The following ARHGAP8 variants were observed in gnomAD, a reference collection of about 807,000 sequenced individuals.
The protein encoded by ARHGAP8 is Rho GTPase activating protein 8, also known as rho GTPase-activating protein 8.
A neutral mutation model predicts 46.1 loss-of-function variants in ARHGAP8; 62 were observed. The observed-to-expected ratio is 1.34, with a 90% CI of 1.10 to 1.66. The LOEUF is 1.66. Ranked by LOEUF, ARHGAP8 falls within the 40% of genes most tolerant of loss-of-function variation. The pLI is 0.00. For synonymous variants in ARHGAP8, 375 were observed against 243.1 expected (o/e 1.54, Z -5.05); for missense variants, 923 against 568.4 (o/e 1.62, Z -6.34).
Position 44,843,741 on chromosome 22 carries a change from C to T in ARHGAP8, c.597-1528C>T, listed in dbSNP as rs566199993. On this transcript the variant is annotated intron_variant, in intron 7 of 11. Coordinates refer to ENST00000356099, the MANE Select transcript of ARHGAP8 (RefSeq NM_181335.3). ...TTGGGAGGCTAAGGTGAAAGTATTGCTTGAGCCCAGGAGGTCAAGGCTGCA... is the reference window on the plus strand; with the variant it reads ...TTGGGAGGCTAAGGTGAAAGTATTGTTTGAGCCCAGGAGGTCAAGGCTGCA... 4.7e-5 allele frequency among the ~76,000 whole-genome samples: 7 copies of T among 149,544 alleles called. No individual in the cohort carries two copies. In the East Asian group the frequency reaches 1.2e-3, roughly 25 times the overall value.
At chr22:44,829,783 A>G (rs1930808154) in intron 7 of ARHGAP8, among the ~76,000 whole-genome samples, 2 of 152,262 alleles carry the variant, frequency 1.3e-5, no homozygotes, top group Non-Finnish European at 2.9e-5. Context: ...TTAATTTGCC[A>G]AGTTCAAAAG....
intron 7 of ARHGAP8, among the ~76,000 whole-genome samples, chr22:44,838,353 G>T (rs562748305): frequency 1.3e-5 from 2 of 152,246 alleles, no homozygotes; most frequent in South Asian, 4.1e-4. Flanking sequence ...GGTCAGGCTG[G>T]TCTCGAACTC....
intron 11 of ARHGAP8, 101 bp from the exon 12 acceptor site, chr22:44,862,174 C>T (rs760800838): frequency 6.4e-6 from 9 of 1,415,544 alleles, no homozygotes; most frequent in South Asian, 4.5e-5. Context: ...TCCAGTGCTC[C>T]TCTCACTACA....
intron 2 of ARHGAP8, among the ~76,000 whole-genome samples, chr22:44,789,299 C>T (rs949847468): frequency 4.6e-5 from 7 of 151,860 alleles, no homozygotes; most frequent in African/African-American, 7.3e-5. Context: ...TACAGGCACC[C>T]GCCACCAAGC....
intron 1 of ARHGAP8, among the ~76,000 whole-genome samples, chr22:44,774,595 T>G (rs527941719): frequency 2.2e-4 from 33 of 150,590 alleles, no homozygotes; most frequent in Middle Eastern, 3.4e-3. Context: ...CAGTCTTGGC[T>G]AATTGCAACC....
intron 5 of ARHGAP8, among the ~76,000 whole-genome samples, chr22:44,819,945 T>C (rs955910115): frequency 3.5e-4 from 53 of 152,174 alleles, no homozygotes; most frequent in Non-Finnish European, 7.1e-4. Flanking sequence ...GAGAGGACCA[T>C]AGGAATTGGG....
rs114354846 is a variant in ARHGAP8 at position 44,859,289 on chromosome 22, G to C, written c.878-442G>C. ...TGGATCATGAGGGCAGATACCTCAT[G>C]GGTTGGTGCTGTCCTCGAGATAGTG... is the stretch of plus-strand genomic sequence containing the variant. On this transcript the variant is annotated intron_variant, in intron 10 of 11. Coordinates refer to ENST00000356099, the MANE Select transcript of ARHGAP8 (RefSeq NM_181335.3). Among the ~76,000 whole-genome samples, 379 of 152,284 alleles carry C rather than the reference G, an allele frequency of 2.5e-3. 3 individuals are homozygous for C. Among genetic ancestry groups the C allele is most frequent in the African/African-American group, 8.9e-3 (368 of 41,552 alleles).
intron 3 of ARHGAP8, among the ~76,000 whole-genome samples, chr22:44,802,984 G>A (rs1219165317): frequency 3.1e-5 from 4 of 128,168 alleles, no homozygotes; most frequent in African/African-American, 8.8e-5. Context: ...GAAGACAAGG[G>A]CCTGCTGCTG....
intron 1 of ARHGAP8, among the ~76,000 whole-genome samples, chr22:44,782,753 T>G (rs1230691181): frequency 1.3e-5 from 2 of 152,216 alleles, no homozygotes; most frequent in African/African-American, 4.8e-5. Context: ...GGTGGACATC[T>G]GGGCAGTTGC....
At chr22:44,861,624 G>A (rs115692772) in intron 11 of ARHGAP8, among the ~76,000 whole-genome samples, 1,791 of 152,282 alleles carry the variant, frequency 0.012, 45 homozygotes, top group African/African-American at 0.041. Flanking sequence ...CCCCCAGCTT[G>A]AATCTTGTAG....
At chr22:44,811,634 T>C (rs538064973) in intron 4 of ARHGAP8, among the ~76,000 whole-genome samples, 1 of 152,186 alleles carries the variant, frequency 6.6e-6, no homozygotes, top group African/African-American at 2.4e-5. Context: ...AGGGACACTC[T>C]AGGCATCAAA....
intron 8 of ARHGAP8, among the ~76,000 whole-genome samples, chr22:44,846,666 C>T (rs544453655): frequency 6.6e-6 from 1 of 152,270 alleles, no homozygotes; most frequent in East Asian, 1.9e-4. Context: ...TCCAATTCTG[C>T]CCCTCTCCCA....
intron 11 of ARHGAP8, among the ~76,000 whole-genome samples, chr22:44,860,600 T>A (rs1207492869): frequency 6.6e-6 from 1 of 150,934 alleles, no homozygotes; most frequent in African/African-American, 2.4e-5. Flanking sequence ...AGTCAGATTC[T>A]CTGTGGTCTA....
chr22:44,823,379 AG>A (rs1442741600), intron 6 of ARHGAP8, among the ~76,000 whole-genome samples: 1 of 152,156 alleles, frequency 6.6e-6, no homozygotes, highest in African/African-American at 2.4e-5. Context: ...GGCTAGATGA[AG>A]AGGCCAGGGA....
intron 1 of ARHGAP8, chr22:44,785,987 C>T (rs1927189296): frequency 6.3e-6 from 1 of 159,420 alleles, no homozygotes; most frequent in African/African-American, 2.4e-5. Flanking sequence ...AGTCACTCTC[C>T]CTCTCTGAGC....
chr22:44,842,972 C>T (rs1931749970), intron 7 of ARHGAP8, among the ~76,000 whole-genome samples: 1 of 152,140 alleles, frequency 6.6e-6, no homozygotes, highest in South Asian at 2.1e-4. Context: ...CCATGGGCTA[C>T]GTTTTCATTT....
intron 8 of ARHGAP8, among the ~76,000 whole-genome samples, chr22:44,847,019 G>A (rs536410454): frequency 2.1e-4 from 32 of 152,326 alleles, no homozygotes; most frequent in African/African-American, 5.1e-4. Context: ...GTGGGAGTGC[G>A]GGAGCGTGCG....
intron 7 of ARHGAP8, among the ~76,000 whole-genome samples, chr22:44,838,505 C>G (rs756076825): frequency 9.2e-5 from 14 of 152,018 alleles, no homozygotes; most frequent in Non-Finnish European, 1.9e-4. Context: ...AATTCCTGAC[C>G]TCAAGTGATC....
At chr22:44,860,569 C>T (rs536469040) in intron 11 of ARHGAP8, among the ~76,000 whole-genome samples, 1 of 151,916 alleles carries the variant, frequency 6.6e-6, no homozygotes, top group Admixed American at 6.6e-5. Context: ...CTGCAACGGC[C>T]CTCGTTCCAA....
Sources: gnomAD v4.1 joint callset for allele counts (sites outside exome capture counted in the v4.1 genomes callset) on GRCh38, gnomAD v4.1.1 for gene constraint, MANE v1.5 for transcripts, NCBI Gene and HGNC (gene_info 2026-07-23, HGNC 2026-07-21) for gene names.